PCDHGA7: variants seen among roughly 807,000 people sequenced by gnomAD.
PCDHGA7 encodes the protein protocadherin gamma-A7.
A neutral mutation model predicts 58.3 loss-of-function variants in PCDHGA7; 44 were observed. That is an observed-to-expected ratio of 0.75 (90% confidence interval 0.59 to 0.97). PCDHGA7 has a LOEUF of 0.97. Ranked by LOEUF, PCDHGA7 falls within the 50% of genes least tolerant of loss-of-function variation. The pLI is 0.00. For synonymous variants in PCDHGA7, 516 were observed against 504.2 expected, an observed-to-expected ratio of 1.02 and a Z score of -0.31; for missense variants, 1,266 against 1,188.7, an observed-to-expected ratio of 1.06 and a Z score of -0.96.
chr5:141,423,777 T>A, intron 1 of PCDHGA7: 1 of 1,159,844 alleles, frequency 8.6e-7, no homozygotes, highest in Non-Finnish European at 1.1e-6. Flanking sequence ...GGCATATATT[T>A]AGTTCATATA....
intron 1 of PCDHGA7, chr5:141,410,442 C>G (rs1444532577): frequency 6.2e-7 from 1 of 1,613,942 alleles, no homozygotes; most frequent in Admixed American, 1.7e-5. Context: ...AGTGAGGGGA[C>G]TTTGCCTTAT....
intron 1 of PCDHGA7, chr5:141,398,925 C>G (rs766149685): frequency 1.1e-5 from 17 of 1,613,966 alleles, no homozygotes; most frequent in Non-Finnish European, 1.4e-5. Flanking sequence ...AAGTGTCAGC[C>G]ACTGACCAAG....
At chr5:141,472,369 G>A (rs1194465676) in intron 1 of PCDHGA7, among the ~76,000 whole-genome samples, 2 of 151,770 alleles carry the variant, frequency 1.3e-5, no homozygotes, top group Admixed American at 6.6e-5. Flanking sequence ...GTGAAACCCC[G>A]TCTCCACTAA....
chr5:141,451,148 G>A (rs536843411), intron 1 of PCDHGA7, among the ~76,000 whole-genome samples: 2 of 152,154 alleles, frequency 1.3e-5, no homozygotes, highest in East Asian at 3.9e-4. Flanking sequence ...ATTTAGACTA[G>A]ACATTTTTTT....
intron 1 of PCDHGA7, among the ~76,000 whole-genome samples, chr5:141,407,316 GTATTTATAAA>G (rs2094915018): frequency 6.6e-6 from 1 of 152,094 alleles, no homozygotes; most frequent in Non-Finnish European, 1.5e-5. Flanking sequence ...TTCATACTTA[GTATTTATAAA>G]TATTGAAATG....
At chr5:141,399,564 G>C (rs1284243936) in intron 1 of PCDHGA7, 3 of 1,614,038 alleles carry the variant, frequency 1.9e-6, no homozygotes, top group East Asian at 4.5e-5. Flanking sequence ...ACTTGGGGTT[G>C]AACGGCCAAG....
At chr5:141,388,889 CAT>C in intron 1 of PCDHGA7, 6 of 1,613,954 alleles carry the variant, frequency 3.7e-6, no homozygotes, top group Non-Finnish European at 5.1e-6. Flanking sequence ...AGGTAGAAGT[CAT>C]AGATGAAAAT....
chr5:141,457,422 T>C (rs2098920028), intron 1 of PCDHGA7, among the ~76,000 whole-genome samples: 1 of 151,626 alleles, frequency 6.6e-6, no homozygotes. Flanking sequence ...CATCCCTTTT[T>C]CCCCCCCACC....
chr5:141,499,233 C>A (rs1047984757), intron 2 of PCDHGA7, among the ~76,000 whole-genome samples: 2 of 152,116 alleles, frequency 1.3e-5, no homozygotes, highest in Non-Finnish European at 2.9e-5. Context: ...CAGCTGTCCC[C>A]AGCCTCTGCA....
intron 1 of PCDHGA7, chr5:141,388,302 C>G: frequency 6.2e-7 from 1 of 1,613,700 alleles, no homozygotes; most frequent in Non-Finnish European, 8.5e-7. Context: ...TTCCTTTGAG[C>G]TGCAAATAAG....
At position 141,476,789 on chromosome 5, in the gene PCDHGA7, T is replaced by C; in HGVS notation, c.2425-18018T>C. ...GTTGGACGGAGGGACCCCAGCTCTC[T>C]CCGCCAGCCTGCCTATTCACATCAA... On this transcript the variant is annotated intron_variant, in intron 1 of 3. Transcript: ENST00000518325. The surrounding 1 kb of genome is among the most constrained non-coding windows in gnomAD (Gnocchi z 7.6). 1.2e-6 allele frequency: 2 copies of C among 1,613,374 alleles called. No individual in the cohort carries two copies. The highest frequency in any genetic ancestry group is 4.5e-5 in the East Asian group (2 of 44,864).
In PCDHGA7 at chr5:141,495,640, G is replaced by A. The variant is rs149177775; in HGVS notation, c.2483+775G>A. 1.2e-3 allele frequency among the ~76,000 whole-genome samples: 177 copies of A among 152,150 alleles called. 1 individual carries two copies. The highest frequency in any genetic ancestry group is 4.1e-3 in the African/African-American group (171 of 41,498). ...ACCTCAGCCTCAGTCCCTTTCATTT[G>A]TCTACTTGCATTGATCTGTGCCGCC... On this transcript the variant is annotated intron_variant, in intron 2 of 3. Transcript: ENST00000518325.
chr5:141,384,238 G>C lies in PCDHGA7; in HGVS notation c.1339G>C (p.Asp447His). 2 of 1,613,838 alleles carry C rather than the reference G, an allele frequency of 1.2e-6. No individual in the cohort carries two copies. The highest frequency in any genetic ancestry group is 1.7e-5 in the Admixed American group (1 of 60,010). The change falls in exon 1 of 4, where the codon GAT becomes CAT. Residue 447 changes from aspartate (D) to histidine (H), a missense_variant. Asp to His is a moderately conservative substitution (Grantham distance 81). Transcript: ENST00000518325. ...ATTCATGCAGGTGGCAGACACCAAC[G>C]ATAACCCACCCACCTTCCCCCACTC... Reference protein sequence around the residue: ...HIFMQVADTNDNPPTFPHSSY... With the variant: ...HIFMQVADTNHNPPTFPHSSY...
chr5:141,389,560 G>C (rs1323439261), intron 1 of PCDHGA7: 2 of 1,613,106 alleles, frequency 1.2e-6, no homozygotes, highest in South Asian at 1.1e-5. Context: ...AATGCGCCAC[G>C]GGTGCTGTAC....
chr5:141,421,695 T>C (rs374319762), intron 1 of PCDHGA7: 15 of 1,613,840 alleles, frequency 9.3e-6, no homozygotes, highest in Non-Finnish European at 1.2e-5. Context: ...TTGCTCTTCC[T>C]AATGCTAGGG....
In PCDHGA7 at chr5:141,491,365, T is replaced by A. The variant is rs201011046; in HGVS notation, c.2425-3442T>A. ...CGTCAGTCTCTTATCCCTAGTCACC[T>A]TCACCTTTCTGTCAGCGAAGTGCCT... On this transcript the variant is annotated intron_variant, in intron 1 of 3. Transcript: ENST00000518325. This position sits in a 1 kb window ranked among gnomAD's most constrained non-coding sequence, Gnocchi z 6.9. 1.7e-5 allele frequency: 27 copies of A among 1,614,016 alleles called. No individual in the cohort carries two copies. The highest frequency in any genetic ancestry group is 2.0e-5 in the Non-Finnish European group (24 of 1,179,982).
intron 1 of PCDHGA7, chr5:141,414,689 T>G (rs1256681548): frequency 1.2e-6 from 2 of 1,614,070 alleles, no homozygotes; most frequent in Non-Finnish European, 8.5e-7. Context: ...GGGGTACCTC[T>G]GTCCTCATAC....
At chr5:141,421,355 G>A in intron 1 of PCDHGA7, 1 of 1,613,990 alleles carries the variant, frequency 6.2e-7, no homozygotes, top group East Asian at 2.2e-5. Flanking sequence ...ACCGAAAAGG[G>A]CTCCTTCGTG....
At position 141,491,686 on chromosome 5, in the gene PCDHGA7, C is replaced by CG; in HGVS notation, c.2425-3118dup. 1 of 1,612,970 alleles carries CG rather than the reference C, an allele frequency of 6.2e-7. No individual in the cohort carries two copies. The highest frequency in any genetic ancestry group is 2.2e-5 in the East Asian group (1 of 44,838). ...CATCCGGTCCCGCTCTAATACGCTG[C>CG]GGGAGCGGAGCCAGGTGAGGGGCTC... On this transcript the variant is annotated intron_variant, in intron 1 of 3. Transcript: ENST00000518325. The surrounding 1 kb of genome is among the most constrained non-coding windows in gnomAD (Gnocchi z 6.9).
Sources: allele counts gnomAD v4.1 joint callset (sites outside exome capture counted in the v4.1 genomes callset), GRCh38; gene constraint gnomAD v4.1.1; non-coding constraint Gnocchi (gnomAD v3.1); transcripts MANE v1.5; gene names NCBI Gene and HGNC (gene_info 2026-07-23, HGNC 2026-07-21).